PSMD6: variants seen among roughly 807,000 people sequenced by gnomAD.
PSMD6 encodes the protein 26S proteasome non-ATPase regulatory subunit 6.
PSMD6 carries 7 observed loss-of-function variants against 44.9 expected under a neutral mutation model. The observed-to-expected ratio is 0.16, with a 90% confidence interval of 0.09 to 0.29. The LOEUF (loss-of-function observed/expected upper bound fraction) is 0.29, where lower values mean the gene tolerates loss of function less well. Among genes scored for constraint, PSMD6 ranks in the 10% least tolerant of loss-of-function variants. The pLI, the probability that PSMD6 is intolerant of heterozygous loss-of-function variation, is 1.00. For missense variants in PSMD6, 420 were observed against 482.6 expected (o/e 0.87, Z 1.21); for synonymous variants, 184 against 172.7 (o/e 1.07, Z -0.51).
At chr3:64,011,580 T>C (rs561510191) in intron 6 of PSMD6, 1 of 152,234 alleles carries the variant, frequency 6.6e-6, no homozygotes, top group Non-Finnish European at 1.5e-5. Flanking sequence ...ACAAGGCCTT[T>C]TTAGGTAACA....
At chr3:64,020,197 G>A (rs1280957741) in intron 2 of PSMD6, among the ~76,000 whole-genome samples, 1 of 152,086 alleles carries the variant, frequency 6.6e-6, no homozygotes, top group African/African-American at 2.4e-5. Context: ...GTGTCTTGAC[G>A]GAGCCTCTGC....
chr3:64,022,793 T>A (rs776266535), intron 1 of PSMD6: 40 of 1,536,076 alleles, frequency 2.6e-5, no homozygotes, highest in Non-Finnish European at 3.4e-5. Context: ...CGGATTCTGT[T>A]CCAAAAGTCT....
Position 64,023,462 on chromosome 3 carries a change from C to G in PSMD6, c.-43G>C, listed in dbSNP as rs2076167112. On this transcript the variant is annotated 5_prime_UTR_variant, in exon 1 of 8. Transcript: ENST00000295901. ...CGGCTGACAGGACACAACTTGGTTA[C>G]GACCGGCTGCGGCAGCGGAAGCGGG... 2 of 1,519,200 alleles carry G rather than the reference C, an allele frequency of 1.3e-6. No individual in the cohort carries two copies. The highest frequency in any genetic ancestry group is 1.8e-6 in the Non-Finnish European group (2 of 1,126,176). 94.1% of individuals were successfully genotyped at this position (1,519,200 alleles called of 1,614,324 possible). A position where few individuals can be genotyped will look rare whatever the true frequency, so the allele number is the denominator to read the frequency against.
chr3:64,022,342 C>T lies in PSMD6; in HGVS notation c.327G>A (p.Glu109=). The T allele has an allele frequency of 1.2e-6, 2 of 1,614,222 alleles. No homozygotes were observed. Among genetic ancestry groups the T allele is most frequent in the Non-Finnish European group, 1.7e-6 (2 of 1,180,052 alleles). The change falls in exon 2 of 8, where the codon GAG becomes GAA. Residue 109 remains glutamate, a synonymous_variant. Transcript: ENST00000295901. ...EIRDAMMAKA[E]YLCRIGDKEG... is the part of the protein sequence containing the mutation. The stretch of plus-strand genomic sequence containing the variant: ...CTTTGTCACCTATCCGGCAGAGGTA[C>T]TCGGCCTTTGCCATCATTGCATCGC...
chr3:64,022,549 G>C, intron 1 of PSMD6, 26 bp from the exon 2 acceptor site: 1 of 1,611,834 alleles, frequency 6.2e-7, no homozygotes, highest in Non-Finnish European at 8.5e-7. Flanking sequence ...AGGGATGTGT[G>C]AGTGGGGACA....
Position 64,018,885 on chromosome 3 carries a change from T to C in PSMD6, c.650A>G (p.Lys217Arg), listed in dbSNP as rs2076089507. ...ATAGACAGTATAAGTCACAAATGTTTTATAATCCATGAGTTCATAGGATGT... is the reference window on the plus strand; with the variant it reads ...ATAGACAGTATAAGTCACAAATGTTCTATAATCCATGAGTTCATAGGATGT... ...TFTSYELMDY[K>R]TFVTYTVYVS... The change falls in exon 4 of 8, where the codon AAA (lysine) becomes AGA (arginine). Residue 217 changes from lysine (K) to arginine (R), a missense_variant. Lys to Arg is a conservative substitution (Grantham distance 26, BLOSUM62 2). Coordinates refer to ENST00000295901, the MANE Select transcript of PSMD6 (RefSeq NM_014814.3). 1.9e-6 allele frequency: 3 copies of C among 1,599,212 alleles called. No individual in the cohort carries two copies. The highest frequency in any genetic ancestry group is 2.7e-5 in the African/African-American group (2 of 74,698).
chr3:64,018,836 T>C lies in PSMD6; in HGVS notation c.699A>G (p.Arg233=). 6.3e-7 allele frequency: 1 copy of C among 1,584,802 alleles called. No individual in the cohort carries two copies. Among genetic ancestry groups the C allele is most frequent in the Non-Finnish European group, 8.7e-7 (1 of 1,153,628 alleles). The change falls in exon 4 of 8, where the codon AGA becomes AGG. Residue 233 remains arginine, a synonymous_variant. Coordinates refer to ENST00000295901, the MANE Select transcript of PSMD6 (RefSeq NM_014814.3). ...TVYVSMIALE[R]PDLREKVIKG... is the part of the protein sequence containing the mutation. ...TCATTACCTTTTCCCTGAGATCTGGTCTTTCTAAGGCAATCATACTGACAT... is the reference window on the plus strand; with the variant it reads ...TCATTACCTTTTCCCTGAGATCTGGCCTTTCTAAGGCAATCATACTGACAT...
chr3:64,011,999 T>A (rs888162580), intron 6 of PSMD6: 24 of 152,250 alleles, frequency 1.6e-4, no homozygotes, highest in African/African-American at 5.3e-4. Context: ...CAGACTAGAA[T>A]TGAGAAATGG....
intron 1 of PSMD6, chr3:64,022,750 C>G (rs1324507200): frequency 6.5e-7 from 1 of 1,536,486 alleles, no homozygotes; most frequent in East Asian, 2.4e-5. Context: ...TCTACTAGGG[C>G]TGGAGGGAGG....
chr3:64,014,029 TTCAAAAAGCAACAAAA>T, intron 5 of PSMD6: 1 of 153,652 alleles, frequency 6.5e-6, no homozygotes, highest in Non-Finnish European at 1.4e-5. Context: ...ATCAGACATT[TTCAAAAAGCAACAAAA>T]CTCAGAAGAA....
At chr3:64,023,495 G>A (rs970485561), upstream of PSMD6, 10 of 1,473,664 alleles carry the variant, frequency 6.8e-6, no homozygotes, top group Admixed American at 2.3e-5. Flanking sequence ...GGGAGGAGTC[G>A]GCGAATACGC....
intron 6 of PSMD6, 73 bp downstream of exon 6, chr3:64,013,366 A>G (rs1430458074): frequency 7.2e-7 from 1 of 1,396,506 alleles, no homozygotes; most frequent in Non-Finnish European, 9.5e-7. Flanking sequence ...AAACAAGTAA[A>G]AAATTGTACA....
At chr3:64,022,789 C>A in intron 1 of PSMD6, 1 of 1,536,246 alleles carries the variant, frequency 6.5e-7, no homozygotes, top group Non-Finnish European at 8.7e-7. Context: ...TTGCCGGATT[C>A]TGTTCCAAAA....
chr3:64,016,694 G>A (rs1438198640), intron 5 of PSMD6: 1 of 152,172 alleles, frequency 6.6e-6, no homozygotes, highest in Non-Finnish European at 1.5e-5. Context: ...AGTAAGTACT[G>A]GATGTGGGAA....
In PSMD6 at chr3:64,010,655, T is replaced by TAGTTACATGGCTTTAC. The variant is rs2075921763; in HGVS notation, c.1167_*12dup. ...ATTATCTCTAAAGCAAATCCTTTGT[T>TAGTTACATGGCTTTAC]AGTTACATGGCTTTACATATTAATT... On this transcript the variant is annotated 3_prime_UTR_variant, in exon 8 of 8. Transcript: ENST00000295901. 6.5e-7 allele frequency: 1 copy of TAGTTACATGGCTTTAC among 1,537,928 alleles called. No homozygotes were observed. Among genetic ancestry groups the TAGTTACATGGCTTTAC allele is most frequent in the African/African-American group, 1.4e-5 (1 of 72,432 alleles).
At chr3:64,011,273 T>A (rs2075941714) in intron 6 of PSMD6, 1 of 204,374 alleles carries the variant, frequency 4.9e-6, no homozygotes, top group Non-Finnish European at 9.7e-6. Flanking sequence ...GTAAACTGTT[T>A]CAAACAAAAG....
upstream of PSMD6, chr3:64,023,729 T>A: frequency 8.7e-6 from 13 of 1,489,654 alleles, no homozygotes; most frequent in South Asian, 1.1e-4. Flanking sequence ...TATTTTACTT[T>A]CCGTTTGTAA....
intron 1 of PSMD6, chr3:64,022,755 G>A (rs1020817362): frequency 6.5e-7 from 1 of 1,536,416 alleles, no homozygotes; most frequent in Non-Finnish European, 8.7e-7. Flanking sequence ...TAGGGCTGGA[G>A]GGAGGGCAAT....
intron 6 of PSMD6, 89 bp downstream of exon 6, chr3:64,013,350 C>T: frequency 7.7e-7 from 1 of 1,300,222 alleles, no homozygotes; most frequent in East Asian, 2.5e-5. Context: ...TTGAGGGAAC[C>T]AATGTAAACA....
Sources: gnomAD v4.1 joint callset for allele counts (sites outside exome capture counted in the v4.1 genomes callset) on GRCh38, gnomAD v4.1.1 for gene constraint, MANE v1.5 for transcripts, NCBI Gene and HGNC (gene_info 2026-07-23, HGNC 2026-07-21) for gene names.